Variants in OR11A1 observed in about 807,000 individuals in gnomAD.
OR11A1 encodes the protein olfactory receptor 11A1.
For synonymous variants in OR11A1, 158 were observed against 152.2 expected, an observed-to-expected ratio of 1.04 and a Z score of -0.28; for missense variants, 380 against 378.2, an observed-to-expected ratio of 1.00 and a Z score of -0.04.
chr6:29,430,336 C>G lies in OR11A1; in HGVS notation c.-175G>C, dbSNP rs1378111977. On this transcript the variant is annotated 5_prime_UTR_variant, in exon 3 of 5. Coordinates refer to ENST00000377149, the MANE Select transcript of OR11A1 (RefSeq NM_001394828.1). ...CATCTGCATTTCCTTGTGAGTGAAT[C>G]TGGCACTCCCTATGTGGGCCATCTT... is the stretch of plus-strand genomic sequence containing the variant. The G allele has an allele frequency of 1.0e-6, 1 of 985,272 alleles. No homozygotes were observed. The highest frequency in any genetic ancestry group is 1.1e-4 in the East Asian group (1 of 8,812). 61.0% of individuals were successfully genotyped at this position (985,272 alleles called of 1,614,324 possible).
Position 29,438,126 on chromosome 6 carries a change from G to A in OR11A1, c.-388-6139C>T, listed in dbSNP as rs183701822. Among the ~76,000 whole-genome samples the A allele has an allele frequency of 5.5e-4, 84 of 152,250 alleles. 1 individual carries two copies. In the East Asian group the frequency reaches 0.011, roughly 20 times the overall value. ...ATAAGTAAATTTATTACTTAAACCC[G>A]TTGGAGTTGGGGCTTGTTATAATGG... On this transcript the variant is annotated intron_variant, in intron 1 of 4. Coordinates refer to ENST00000377149, the MANE Select transcript of OR11A1 (RefSeq NM_001394828.1).
intron 1 of OR11A1, among the ~76,000 whole-genome samples, chr6:29,444,170 A>G (rs1784487939): frequency 6.6e-6 from 1 of 152,116 alleles, no homozygotes; most frequent in African/African-American, 2.4e-5. Context: ...TGGGTCTCAC[A>G]TGATCTGATG....
At chr6:29,438,665 A>G (rs1311375783) in intron 1 of OR11A1, among the ~76,000 whole-genome samples, 1 of 152,240 alleles carries the variant, frequency 6.6e-6, no homozygotes, top group Non-Finnish European at 1.5e-5. Context: ...ATTTCTTGCA[A>G]TCTAAGAAAC....
intron 1 of OR11A1, chr6:29,440,369 C>T: frequency 1.5e-5 from 24 of 1,614,130 alleles, no homozygotes; most frequent in Non-Finnish European, 2.0e-5. Context: ...CAGCCATGGC[C>T]TATGACCGCT....
chr6:29,451,557 T>A (rs1785384106), intron 1 of OR11A1, among the ~76,000 whole-genome samples: 1 of 152,110 alleles, frequency 6.6e-6, no homozygotes, highest in African/African-American at 2.4e-5. Flanking sequence ...AAAGAAGACA[T>A]ACATGTAGCC....
chr6:29,440,134 G>A, intron 1 of OR11A1: 1 of 1,613,458 alleles, frequency 6.2e-7, no homozygotes, highest in Non-Finnish European at 8.5e-7. Context: ...ACCGTGGCAG[G>A]CAATTTCCTC....
chr6:29,451,415 A>G (rs1785361431), intron 1 of OR11A1, among the ~76,000 whole-genome samples: 1 of 152,236 alleles, frequency 6.6e-6, no homozygotes. Context: ...GTAAATAAAC[A>G]GCCTACAGTA....
chr6:29,442,146 CT>C (rs1280293053), intron 1 of OR11A1, among the ~76,000 whole-genome samples: 4 of 152,136 alleles, frequency 2.6e-5, no homozygotes, highest in African/African-American at 9.7e-5. Context: ...GGTGACTTTG[CT>C]GGGAAGAGAA....
At chr6:29,452,276 G>A (rs1323230687) in intron 1 of OR11A1, among the ~76,000 whole-genome samples, 1 of 151,958 alleles carries the variant, frequency 6.6e-6, no homozygotes, top group African/African-American at 2.4e-5. Flanking sequence ...AAACCCCAAT[G>A]ACACGCAATT....
At chr6:29,438,003 T>A (rs1283201152) in intron 1 of OR11A1, among the ~76,000 whole-genome samples, 1 of 152,206 alleles carries the variant, frequency 6.6e-6, no homozygotes, top group Non-Finnish European at 1.5e-5. Context: ...CAGCCAAATC[T>A]AATAAATAAA....
chr6:29,427,032 A>G lies in OR11A1; in HGVS notation c.610T>C (p.Ser204Pro). 6.2e-7 allele frequency: 1 copy of G among 1,612,442 alleles called. No homozygotes were observed. The highest frequency in any genetic ancestry group is 8.5e-7 in the Non-Finnish European group (1 of 1,180,018). ...AAAGGAATAGTGAGGCAGAACACAG[A>G]CAGAATGAGAGTTGTCACCTGAGCC... Reference protein sequence around the residue: ...RVAQVTTLILSVFCLTIPFGL... With the variant: ...RVAQVTTLILPVFCLTIPFGL... The change falls in exon 5 of 5, where the codon TCT becomes CCT. Residue 204 changes from serine (S) to proline (P), a missense_variant. Coordinates refer to ENST00000377149, the MANE Select transcript of OR11A1 (RefSeq NM_001394828.1).
intron 1 of OR11A1, among the ~76,000 whole-genome samples, chr6:29,452,797 TATA>T (rs1374682323): frequency 6.6e-6 from 1 of 152,146 alleles, no homozygotes; most frequent in Non-Finnish European, 1.5e-5. Context: ...ATAGAGAAAT[TATA>T]ATATTTGGAG....
intron 1 of OR11A1, among the ~76,000 whole-genome samples, chr6:29,447,974 T>C (rs892739686): frequency 6.8e-6 from 1 of 147,100 alleles, no homozygotes; most frequent in Non-Finnish European, 1.5e-5. Context: ...CTACTGGTCA[T>C]CAAAAAAGAT....
chr6:29,428,945 AAT>A lies in OR11A1; in HGVS notation c.-126_-125del. 1.0e-6 allele frequency: 1 copy of A among 974,786 alleles called. No individual in the cohort carries two copies. Among genetic ancestry groups the A allele is most frequent in the Non-Finnish European group, 1.2e-6 (1 of 820,566 alleles). 60.4% of individuals were successfully genotyped at this position (974,786 alleles called of 1,614,324 possible). A position where few individuals can be genotyped will look rare whatever the true frequency, so the allele number is the denominator to read the frequency against. ...AAGGTTTTCATATGCTATTCAAAGC[AAT>A]ATGTGTTTATTAACTGAAGACAATG... is the stretch of plus-strand genomic sequence containing the variant. On this transcript the variant is annotated 5_prime_UTR_variant, in exon 4 of 5. The change abolishes the stop of an existing upstream ORF in the 5' untranslated region. Transcript: ENST00000377149.
chr6:29,432,395 C>G (rs1783289984), intron 1 of OR11A1, among the ~76,000 whole-genome samples: 1 of 152,106 alleles, frequency 6.6e-6, no homozygotes, highest in South Asian at 2.1e-4. Flanking sequence ...CCATAACTCA[C>G]CAGAAAATTC....
intron 1 of OR11A1, among the ~76,000 whole-genome samples, chr6:29,435,073 C>A (rs1783526430): frequency 6.6e-6 from 1 of 152,320 alleles, no homozygotes; most frequent in Admixed American, 6.5e-5. Flanking sequence ...ATTCTATAAG[C>A]TACAACTTGA....
At chr6:29,443,869 C>A (rs777847815) in intron 1 of OR11A1, among the ~76,000 whole-genome samples, 63 of 152,062 alleles carry the variant, frequency 4.1e-4, no homozygotes, top group Non-Finnish European at 7.8e-4. Context: ...TTCTATTCTA[C>A]CTTTTTCTTT....
chr6:29,435,840 C>T (rs1783587941), intron 1 of OR11A1, among the ~76,000 whole-genome samples: 1 of 152,080 alleles, frequency 6.6e-6, no homozygotes, highest in African/African-American at 2.4e-5. Context: ...CTTTGTATCC[C>T]AAGAATATTT....
intron 1 of OR11A1, among the ~76,000 whole-genome samples, chr6:29,452,031 A>G (rs553126411): frequency 6.6e-6 from 1 of 152,324 alleles, no homozygotes; most frequent in African/African-American, 2.4e-5. Flanking sequence ...TTGCAGCAAC[A>G]TGGATCCTGA....
Sources: gnomAD v4.1 joint callset for allele counts (sites outside exome capture counted in the v4.1 genomes callset) on GRCh38, gnomAD v4.1.1 for gene constraint, MANE v1.5 for transcripts, NCBI Gene and HGNC (gene_info 2026-07-23, HGNC 2026-07-21) for gene names.